The following EDA variants were observed in gnomAD, a reference collection of about 807,000 sequenced individuals.
EDA encodes the protein ectodysplasin-A.
EDA carries 2 observed loss-of-function variants against 23.6 expected under a neutral mutation model. The observed-to-expected ratio is 0.08, with a 90% CI of 0.03 to 0.27. EDA has a LOEUF of 0.27. Ranked by LOEUF, EDA falls within the 10% of genes least tolerant of loss-of-function variation. EDA has a pLI of 1.00. For synonymous variants in EDA, 131 were observed against 132.0 expected (o/e 0.99, Z 0.05); for missense variants, 229 against 324.2 (o/e 0.71, Z 2.26).
At chrX:69,846,883 C>T (rs909514972) in intron 1 of EDA, among the ~76,000 whole-genome samples, 52 of 111,596 alleles carry the variant, frequency 4.7e-4, no homozygotes, top group African/African-American at 1.6e-3. Context: ...GGAGCCCCAA[C>T]TGATACAGGC....
chrX:69,765,411 A>T (rs953912388), intron 1 of EDA, among the ~76,000 whole-genome samples: 1 of 111,614 alleles, frequency 9.0e-6, no homozygotes, highest in African/African-American at 3.3e-5. Flanking sequence ...GTAACCAATG[A>T]TTCAGTACTA....
intron 1 of EDA, among the ~76,000 whole-genome samples, chrX:69,825,660 C>A (rs1449783447): frequency 1.8e-5 from 2 of 113,199 alleles, no homozygotes; most frequent in Non-Finnish European, 3.7e-5. Context: ...CTCCTGGATT[C>A]ATTAATTTTT....
At chrX:69,899,644 C>T (rs761105155) in intron 1 of EDA, among the ~76,000 whole-genome samples, 1 of 110,929 alleles carries the variant, frequency 9.0e-6, no homozygotes, top group East Asian at 2.8e-4. Context: ...ACTGTTCCTA[C>T]CCACTCTATT....
At chrX:69,999,786 C>A (rs2019715897) in intron 2 of EDA, among the ~76,000 whole-genome samples, 1 of 111,047 alleles carries the variant, frequency 9.0e-6, no homozygotes, top group South Asian at 3.8e-4. Flanking sequence ...ACCTTGATAA[C>A]AAACTCTTCC....
intron 1 of EDA, 145 bp downstream of exon 1, chrX:69,616,849 A>G: frequency 2.4e-6 from 2 of 821,682 alleles, no homozygotes; most frequent in East Asian, 3.4e-5. Context: ...GCAAGGGAGA[A>G]GTTGCCCAGG....
chrX:69,840,137 C>G (rs1161513778), intron 1 of EDA, among the ~76,000 whole-genome samples: 1 of 109,489 alleles, frequency 9.1e-6, no homozygotes, highest in Non-Finnish European at 1.9e-5. Flanking sequence ...TTTTCTTTTC[C>G]TCAAACTCAC....
intron 1 of EDA, among the ~76,000 whole-genome samples, chrX:69,887,951 G>A (rs900123563): frequency 1.6e-4 from 18 of 111,733 alleles, no homozygotes; most frequent in Non-Finnish European, 2.6e-4. Flanking sequence ...ACAAAAGGAT[G>A]CTAATTAACA....
At chrX:69,787,536 C>A (rs1173377751) in intron 1 of EDA, among the ~76,000 whole-genome samples, 1 of 101,892 alleles carries the variant, frequency 9.8e-6, no homozygotes, top group Non-Finnish European at 2.0e-5. Context: ...TATTTTATTT[C>A]TCCTTCACTT....
intron 1 of EDA, among the ~76,000 whole-genome samples, chrX:69,708,165 G>A (rs1045011932): frequency 8.9e-6 from 1 of 112,112 alleles, no homozygotes; most frequent in Non-Finnish European, 1.9e-5. Flanking sequence ...ATTGAGGAAA[G>A]AATGATTCAC....
At chrX:69,779,735 A>C (rs1402295542) in intron 1 of EDA, among the ~76,000 whole-genome samples, 1 of 111,966 alleles carries the variant, frequency 8.9e-6, no homozygotes, top group African/African-American at 3.2e-5. Flanking sequence ...TTCACCTCAA[A>C]GAAAACCAAA....
At position 70,002,732 on chromosome X, in the gene EDA, G is replaced by C. The variant is rs192350882; in HGVS notation, c.503-20486G>C. ...TCTTGTCCTGTTTCCTCAACTGTAA[G>C]ATAATGGAATTGGACATGAACATCT... On this transcript the variant is annotated intron_variant, in intron 2 of 7. Transcript: ENST00000374552. Among the ~76,000 whole-genome samples the C allele has an allele frequency of 1.6e-4, 18 of 112,070 alleles. No individual in the cohort carries two copies. The East Asian group carries it at 5.1e-3, about 31-fold the overall frequency.
At chrX:69,645,999 T>C (rs1183685893) in intron 1 of EDA, among the ~76,000 whole-genome samples, 1 of 111,217 alleles carries the variant, frequency 9.0e-6, no homozygotes, top group African/African-American at 3.3e-5. Context: ...GTTTTGTGGT[T>C]TTGAGTGAAT....
At chrX:69,756,805 T>A (rs182109017) in intron 1 of EDA, 2 of 111,958 alleles carry the variant, frequency 1.8e-5, no homozygotes, top group African/African-American at 6.5e-5. Context: ...CCAGCAAACT[T>A]TTTTTCTGTC....
intron 1 of EDA, among the ~76,000 whole-genome samples, chrX:69,779,340 CA>C (rs1289141420): frequency 1.8e-5 from 2 of 111,456 alleles, no homozygotes; most frequent in African/African-American, 6.5e-5. Context: ...GAATATTATT[CA>C]GTGATAAAAA....
intron 1 of EDA, among the ~76,000 whole-genome samples, chrX:69,819,610 T>C (rs1428693276): frequency 9.0e-6 from 1 of 111,256 alleles, no homozygotes; most frequent in Non-Finnish European, 1.9e-5. Flanking sequence ...AAGTCATGAA[T>C]TAACTCCCAC....
intron 1 of EDA, among the ~76,000 whole-genome samples, chrX:69,754,376 A>C (rs1350802203): frequency 8.9e-6 from 1 of 111,798 alleles, no homozygotes; most frequent in Non-Finnish European, 1.9e-5. Flanking sequence ...TTTCTTCAAG[A>C]ATGTTGAATA....
intron 1 of EDA, among the ~76,000 whole-genome samples, chrX:69,873,126 G>T (rs1292930309): frequency 8.9e-6 from 1 of 111,869 alleles, no homozygotes; most frequent in African/African-American, 3.2e-5. Context: ...TGGAAATTAA[G>T]TAACCTGCTC....
chrX:69,866,870 T>A (rs1469295865), intron 1 of EDA, among the ~76,000 whole-genome samples: 1 of 112,112 alleles, frequency 8.9e-6, no homozygotes, highest in Non-Finnish European at 1.9e-5. Flanking sequence ...TTAGAGGCAA[T>A]GCTGTGTGGA....
At chrX:69,750,064 A>T (rs2013776328) in intron 1 of EDA, among the ~76,000 whole-genome samples, 1 of 106,311 alleles carries the variant, frequency 9.4e-6, no homozygotes, top group Admixed American at 1.0e-4. Flanking sequence ...CATGTGTACA[A>T]CGTGCAGGTT....
Sources: allele counts gnomAD v4.1 joint callset (sites outside exome capture counted in the v4.1 genomes callset), GRCh38; gene constraint gnomAD v4.1.1; transcripts MANE v1.5; gene names NCBI Gene and HGNC (gene_info 2026-07-23, HGNC 2026-07-21).